The following KCNAB1 variants were observed in gnomAD, a reference collection of about 807,000 sequenced individuals.
KCNAB1 encodes potassium voltage-gated channel subfamily A regulatory beta subunit 1.
Under a neutral mutation model 64.6 loss-of-function variants are expected in KCNAB1, and 35 were observed. That is an observed-to-expected ratio of 0.54 (90% confidence interval 0.41 to 0.72). The LOEUF (loss-of-function observed/expected upper bound fraction) is 0.72, where lower values mean the gene tolerates loss of function less well. Among genes scored for constraint, KCNAB1 ranks in the 30% least tolerant of loss-of-function variants. The pLI, the probability that KCNAB1 is intolerant of heterozygous loss-of-function variation, is 0.00. For missense variants in KCNAB1, 401 were observed against 512.9 expected, an observed-to-expected ratio of 0.78 and a Z score of 2.11; for synonymous variants, 177 against 183.8, an observed-to-expected ratio of 0.96 and a Z score of 0.30.
chr3:156,340,912 A>G (rs1724063535), intron 1 of KCNAB1, among the ~76,000 whole-genome samples: 1 of 152,218 alleles, frequency 6.6e-6, no homozygotes, highest in South Asian at 2.1e-4. Flanking sequence ...TCCTCAAAGT[A>G]TTAGACTCCC....
intron 2 of KCNAB1, among the ~76,000 whole-genome samples, chr3:156,438,815 A>C (rs994824735): frequency 1.5e-4 from 23 of 152,182 alleles, no homozygotes; most frequent in Non-Finnish European, 3.1e-4. Flanking sequence ...GGAATTCAAG[A>C]CCAGCCTGAC....
In KCNAB1 at chr3:156,312,703, C is replaced by CAAAAAAAAAAAAAAA. The variant is rs397991453; in HGVS notation, c.276-108899_276-108885dup. On this transcript the variant is annotated intron_variant, in intron 1 of 13. Coordinates refer to ENST00000490337, the MANE Select transcript of KCNAB1 (RefSeq NM_172160.3). Reference sequence around the variant, plus strand: ...CTAGGTGACAGAGTGAGACTGTCTCCAAAAAAAAAAAAAAAAAAAAAAAAA... The same window carrying CAAAAAAAAAAAAAAA: ...CTAGGTGACAGAGTGAGACTGTCTCCAAAAAAAAAAAAAAAAAAAAAAAAAAAAAAAAAAAAAAAA... 3.2e-3 allele frequency among the ~76,000 whole-genome samples: 87 copies of CAAAAAAAAAAAAAAA among 27,412 alleles called. 9 individuals carry two copies. The highest frequency in any genetic ancestry group is 4.2e-3 in the East Asian group (3 of 722). The allele number at this position is 27,412 out of a possible 152,430, so 18.0% of individuals were successfully genotyped here.
At chr3:156,377,545 G>A (rs1379230250) in intron 1 of KCNAB1, among the ~76,000 whole-genome samples, 3 of 152,140 alleles carry the variant, frequency 2.0e-5, no homozygotes, top group African/African-American at 7.2e-5. Context: ...GGACTGTATT[G>A]TGTGTGAGGT....
chr3:156,487,512 T>A (rs1255619379), intron 8 of KCNAB1, among the ~76,000 whole-genome samples: 2 of 152,156 alleles, frequency 1.3e-5, no homozygotes, highest in African/African-American at 4.8e-5. Flanking sequence ...TGTGTCTAGC[T>A]CCAGTGAAGC....
chr3:156,379,641 A>G (rs1576794416), intron 1 of KCNAB1, among the ~76,000 whole-genome samples: 1 of 152,288 alleles, frequency 6.6e-6, no homozygotes, highest in Non-Finnish European at 1.5e-5. Context: ...CAAGGGGAGA[A>G]GAGTAGAGCA....
intron 1 of KCNAB1, among the ~76,000 whole-genome samples, chr3:156,272,064 C>A (rs961145836): frequency 2.0e-5 from 3 of 152,258 alleles, no homozygotes; most frequent in Non-Finnish European, 2.9e-5. Context: ...CAGAGTCTGT[C>A]TCTCTCTGTG....
intron 1 of KCNAB1, among the ~76,000 whole-genome samples, chr3:156,421,044 A>T (rs1715434372): frequency 6.6e-6 from 1 of 150,524 alleles, no homozygotes; most frequent in Non-Finnish European, 1.5e-5. Context: ...AACCTAAAAG[A>T]TAGTTTTATA....
chr3:156,314,573 C>T (rs1722148948), intron 1 of KCNAB1, among the ~76,000 whole-genome samples: 1 of 152,230 alleles, frequency 6.6e-6, no homozygotes, highest in African/African-American at 2.4e-5. Flanking sequence ...TGAGGAAGCC[C>T]CATGGCCCTG....
intron 1 of KCNAB1, among the ~76,000 whole-genome samples, chr3:156,175,445 C>T (rs561384784): frequency 1.8e-3 from 281 of 152,264 alleles, no homozygotes; most frequent in African/African-American, 6.5e-3. Flanking sequence ...ACAGTGAAAC[C>T]CTGTCTCTAC....
intron 3 of KCNAB1, among the ~76,000 whole-genome samples, chr3:156,455,343 G>A (rs9833563): frequency 0.014 from 2,116 of 152,302 alleles, 49 homozygotes; most frequent in African/African-American, 0.049. Flanking sequence ...TCAGGAGGTG[G>A]GGATGTCCCC....
At chr3:156,395,586 T>G (rs1312842315) in intron 1 of KCNAB1, among the ~76,000 whole-genome samples, 8 of 50,240 alleles carry the variant, frequency 1.6e-4, no homozygotes, top group African/African-American at 3.9e-4. Context: ...AAAAAAAAAA[T>G]CAGACATTGT....
rs904059715 is a variant in KCNAB1 at position 156,374,849 on chromosome 3, A to T, written c.276-46767A>T. 1.0e-4 allele frequency among the ~76,000 whole-genome samples: 14 copies of T among 136,262 alleles called. 3 individuals carry two copies. The highest frequency in any genetic ancestry group is 2.6e-4 in the African/African-American group (8 of 30,630). The allele number at this position is 136,262 out of a possible 152,430, so 89.4% of individuals were successfully genotyped here. ...TAAGTTGTTGTAAAGGTTAGATTTT[A>T]AAAAAATACAGATTAAGTGCCTAGC... On this transcript the variant is annotated intron_variant, in intron 1 of 13. Transcript: ENST00000490337.
intron 7 of KCNAB1, among the ~76,000 whole-genome samples, chr3:156,467,675 C>G (rs966077708): frequency 6.6e-6 from 1 of 151,936 alleles, no homozygotes; most frequent in Non-Finnish European, 1.5e-5. Context: ...TTAACCTAAG[C>G]CTTGATTTTT....
intron 1 of KCNAB1, chr3:156,176,836 A>G (rs1026149678): frequency 4.0e-6 from 4 of 995,956 alleles, no homozygotes; most frequent in Admixed American, 3.4e-5. Context: ...GCCACTCCCA[A>G]CAGCAACTCA....
chr3:156,131,918 G>T (rs1714022032), intron 1 of KCNAB1, among the ~76,000 whole-genome samples: 2 of 152,160 alleles, frequency 1.3e-5, no homozygotes, highest in Admixed American at 6.5e-5. Context: ...GGAGCAGGTG[G>T]AGGCCCCATT....
Position 156,447,196 on chromosome 3 carries a change from T to C in KCNAB1, c.320-5703T>C, listed in dbSNP as rs183826087. Among the ~76,000 whole-genome samples, 117 of 152,358 alleles carry C rather than the reference T, an allele frequency of 7.7e-4. 2 individuals are homozygous for C. In the South Asian group the frequency reaches 0.016, roughly 20 times the overall value. ...ATTTCAATACTGATTCCTAGACATT[T>C]CATATACTCTATCCCTGCTTTATAA... On this transcript the variant is annotated intron_variant, in intron 2 of 13. Transcript: ENST00000490337.
intron 1 of KCNAB1, among the ~76,000 whole-genome samples, chr3:156,348,339 C>A (rs1372976746): frequency 1.3e-5 from 2 of 152,112 alleles, no homozygotes; most frequent in Non-Finnish European, 2.9e-5. Context: ...GGGTCTATTG[C>A]AGCATTAAGG....
intron 1 of KCNAB1, among the ~76,000 whole-genome samples, chr3:156,384,706 T>C (rs1311725121): frequency 2.0e-5 from 3 of 152,226 alleles, no homozygotes. Context: ...TCTTGTTTCA[T>C]ATATTCACAC....
intron 3 of KCNAB1, among the ~76,000 whole-genome samples, chr3:156,454,996 C>T (rs1271043440): frequency 6.6e-6 from 1 of 152,150 alleles, no homozygotes; most frequent in Non-Finnish European, 1.5e-5. Context: ...GCTGCTGAAG[C>T]ACTCACCTCA....
Sources: gnomAD v4.1 joint callset for allele counts (sites outside exome capture counted in the v4.1 genomes callset) on GRCh38, gnomAD v4.1.1 for gene constraint, MANE v1.5 for transcripts, NCBI Gene and HGNC (gene_info 2026-07-23, HGNC 2026-07-21) for gene names.